The following DCC variants were observed in gnomAD, a reference collection of about 807,000 sequenced individuals.
DCC encodes DCC netrin 1 receptor.
In DCC, 58 loss-of-function variants were observed where a neutral mutation model predicts 172.5. The ratio of observed to expected loss-of-function variants is 0.34; its 90% CI spans 0.27 to 0.42. The LOEUF (loss-of-function observed/expected upper bound fraction) is 0.42, where lower values mean the gene tolerates loss of function less well. DCC is among the 10% of genes least tolerant of loss of function. DCC has a pLI of 1.00. For synonymous variants in DCC, 709 were observed against 644.5 expected (o/e 1.10, Z -1.52); for missense variants, 1,740 against 1,791.0 (o/e 0.97, Z 0.51).
At chr18:52,381,959 C>T (rs1357477919) in intron 1 of DCC, among the ~76,000 whole-genome samples, 1 of 152,064 alleles carries the variant, frequency 6.6e-6, no homozygotes, top group African/African-American at 2.4e-5. Context: ...AAAGCTGTCT[C>T]CTTGGTCCAT....
In DCC at chr18:53,231,468, T is replaced by C. The variant is rs73463008; in HGVS notation, c.1911+15871T>C. Among the ~76,000 whole-genome samples, 411 of 152,268 alleles carry C rather than the reference T, an allele frequency of 2.7e-3. 6 individuals carry two copies. The highest frequency in any genetic ancestry group is 9.7e-3 in the African/African-American group (403 of 41,576). ...GATAATAAAGCAAGTGTCTGAACAA[T>C]GCAGCACATACTAGCTTCACCTAAT... On this transcript the variant is annotated intron_variant, in intron 12 of 28. Coordinates refer to ENST00000442544, the MANE Select transcript of DCC (RefSeq NM_005215.4).
At chr18:53,513,721 A>G (rs185421251) in intron 27 of DCC, among the ~76,000 whole-genome samples, 2 of 151,622 alleles carry the variant, frequency 1.3e-5, no homozygotes, top group African/African-American at 2.4e-5. Context: ...AAAGAAGACC[A>G]TTACATAATG....
At chr18:52,422,114 CT>C (rs1302736591) in intron 1 of DCC, among the ~76,000 whole-genome samples, 1 of 152,020 alleles carries the variant, frequency 6.6e-6, no homozygotes. Flanking sequence ...TTGCTTTAAT[CT>C]TAATTTTTTT....
chr18:53,516,290 A>G (rs1163845914), intron 27 of DCC, among the ~76,000 whole-genome samples: 1 of 149,372 alleles, frequency 6.7e-6, no homozygotes, highest in African/African-American at 2.5e-5. Flanking sequence ...ACCTTATACA[A>G]AAATCAATTC....
intron 12 of DCC, among the ~76,000 whole-genome samples, chr18:53,230,995 T>C (rs2056113839): frequency 2.6e-5 from 4 of 151,902 alleles, no homozygotes; most frequent in Admixed American, 1.3e-4. Flanking sequence ...TTGGTGTTTT[T>C]TTTTCTGAGA....
Position 52,434,380 on chromosome 18 carries a change from G to T in DCC, c.91+93502G>T, listed in dbSNP as rs1167553282. Among the ~76,000 whole-genome samples the T allele has an allele frequency of 1.3e-5, 2 of 152,104 alleles. 1 individual carries two copies. The highest frequency in any genetic ancestry group is 2.9e-5 in the Non-Finnish European group (2 of 68,022). ...CACAGGGCAGCCCCCTGCACCTAAG[G>T]ATTACCTGGCCCAAAATGCTAAGAG... On this transcript the variant is annotated intron_variant, in intron 1 of 28. Transcript: ENST00000442544.
intron 1 of DCC, among the ~76,000 whole-genome samples, chr18:52,368,548 A>G (rs75518105): frequency 0.011 from 1,738 of 152,300 alleles, 30 homozygotes; most frequent in East Asian, 0.068. Context: ...CACAGCGGGT[A>G]CTGAGAAAGT....
At chr18:52,479,487 A>AGTAG (rs1225702977) in intron 1 of DCC, among the ~76,000 whole-genome samples, 260 of 152,036 alleles carry the variant, frequency 1.7e-3, no homozygotes, top group African/African-American at 6.1e-3. Context: ...CTACTAGGAC[A>AGTAG]TCTACAAAAT....
chr18:53,421,222 T>C (rs2145078338), intron 21 of DCC, among the ~76,000 whole-genome samples: 1 of 152,340 alleles, frequency 6.6e-6, no homozygotes, highest in East Asian at 1.9e-4. Flanking sequence ...TGTCTTTGTA[T>C]GAAAATCGAT....
chr18:52,957,628 A>G (rs184386626), intron 5 of DCC, among the ~76,000 whole-genome samples: 35 of 152,308 alleles, frequency 2.3e-4, no homozygotes, highest in South Asian at 1.0e-3. Context: ...ACTATAAAGT[A>G]TGTGTGAACA....
chr18:53,349,112 T>C (rs2057758434), intron 15 of DCC, among the ~76,000 whole-genome samples: 1 of 152,170 alleles, frequency 6.6e-6, no homozygotes, highest in South Asian at 2.1e-4. Flanking sequence ...CTGGATGCCT[T>C]TAATGGCACC....
At chr18:52,939,129 A>G (rs796755329) in intron 5 of DCC, among the ~76,000 whole-genome samples, 3 of 152,220 alleles carry the variant, frequency 2.0e-5, no homozygotes, top group African/African-American at 4.8e-5. Flanking sequence ...ATCACATTCT[A>G]CCATTATTCA....
Position 53,260,226 on chromosome 18 carries a change from CTTTG to C in DCC, c.1911+44634_1911+44637del, listed in dbSNP as rs556390349. Among the ~76,000 whole-genome samples, 302 of 152,250 alleles carry C rather than the reference CTTTG, an allele frequency of 2.0e-3. 7 individuals are homozygous for C. The highest frequency in any genetic ancestry group is 3.5e-3 in the East Asian group (18 of 5,170). ...CTTGTCAAAGTCATTCTCCGTCCAG[CTTTG>C]TTTGGTTGCTGGTGAGGAGCTGCAT... On this transcript the variant is annotated intron_variant, in intron 12 of 28. Transcript: ENST00000442544.
intron 1 of DCC, among the ~76,000 whole-genome samples, chr18:52,633,956 A>T (rs765810716): frequency 3.3e-5 from 5 of 152,376 alleles, no homozygotes; most frequent in African/African-American, 4.8e-5. Context: ...TGAGCTATGG[A>T]GGGACACACA....
intron 1 of DCC, among the ~76,000 whole-genome samples, chr18:52,734,603 A>G (rs2036696382): frequency 6.6e-6 from 1 of 152,074 alleles, no homozygotes; most frequent in African/African-American, 2.4e-5. Flanking sequence ...CTGCATCCCC[A>G]TAAGTAAGGT....
intron 26 of DCC, among the ~76,000 whole-genome samples, chr18:53,495,932 C>A (rs2046017328): frequency 6.6e-6 from 1 of 152,030 alleles, no homozygotes; most frequent in South Asian, 2.1e-4. Context: ...CAGGGCATCT[C>A]TGAAAAAAAA....
At chr18:53,268,801 A>G (rs535700140) in intron 12 of DCC, among the ~76,000 whole-genome samples, 17 of 152,292 alleles carry the variant, frequency 1.1e-4, no homozygotes, top group African/African-American at 1.9e-4. Flanking sequence ...AGACACTGCC[A>G]CTGTGTGTCA....
intron 11 of DCC, among the ~76,000 whole-genome samples, chr18:53,213,562 G>A (rs2144573945): frequency 6.7e-6 from 1 of 149,394 alleles, no homozygotes; most frequent in East Asian, 2.0e-4. Flanking sequence ...GCAGGAGAAT[G>A]GTGTGAACCC....
chr18:52,467,980 C>G (rs1219582913), intron 1 of DCC, among the ~76,000 whole-genome samples: 1 of 151,986 alleles, frequency 6.6e-6, no homozygotes, highest in Non-Finnish European at 1.5e-5. Flanking sequence ...TGCAACAGTT[C>G]CTATAGAGCA....
Sources: gnomAD v4.1 joint callset for allele counts (sites outside exome capture counted in the v4.1 genomes callset) on GRCh38, gnomAD v4.1.1 for gene constraint, MANE v1.5 for transcripts, NCBI Gene and HGNC (gene_info 2026-07-23, HGNC 2026-07-21) for gene names.